Variants in GRXCR2 observed in about 807,000 individuals in gnomAD.
The protein encoded by GRXCR2 is glutaredoxin and cysteine rich domain containing 2, also known as glutaredoxin domain-containing cysteine-rich protein 2.
Under a neutral mutation model 24.8 loss-of-function variants are expected in GRXCR2, and 23 were observed. The ratio of observed to expected loss-of-function variants is 0.93; its 90% confidence interval spans 0.67 to 1.32. The LOEUF (loss-of-function observed/expected upper bound fraction) is 1.32. Among genes scored for constraint, GRXCR2 ranks in the 40% most tolerant of loss-of-function variants. The probability of loss-of-function intolerance (pLI) is 0.00; values close to 1 mark genes in which losing one functional copy is unlikely to be tolerated. For missense variants in GRXCR2, 315 were observed against 303.4 expected, an observed-to-expected ratio of 1.04 and a Z score of -0.28; for synonymous variants, 130 against 116.1, an observed-to-expected ratio of 1.12 and a Z score of -0.77.
intron 2 of GRXCR2, among the ~76,000 whole-genome samples, chr5:145,919,749 CAG>C (rs1491403698): frequency 6.6e-6 from 1 of 152,078 alleles, no homozygotes; most frequent in Non-Finnish European, 1.5e-5. Flanking sequence ...GTGATTTCCT[CAG>C]GGGGAAGATC....
intron 2 of GRXCR2, among the ~76,000 whole-genome samples, chr5:145,878,412 A>G (rs551179320): frequency 2.6e-5 from 4 of 152,354 alleles, no homozygotes; most frequent in African/African-American, 4.8e-5. Flanking sequence ...ACAAGCTTCA[A>G]TACTTGATTC....
chr5:145,905,736 C>T (rs566722772), intron 2 of GRXCR2, among the ~76,000 whole-genome samples: 2 of 152,126 alleles, frequency 1.3e-5, no homozygotes, highest in East Asian at 3.9e-4. Flanking sequence ...AGTGTGTTGG[C>T]TTTTATATGC....
intron 2 of GRXCR2, among the ~76,000 whole-genome samples, chr5:145,888,652 AAAG>A (rs1351917013): frequency 7.2e-5 from 11 of 152,258 alleles, no homozygotes; most frequent in African/African-American, 2.7e-4. Context: ...AGATGCAGGT[AAAG>A]AACAAAAAAG....
intron 2 of GRXCR2, among the ~76,000 whole-genome samples, chr5:145,919,759 A>T (rs919354678): frequency 3.9e-5 from 6 of 152,012 alleles, no homozygotes; most frequent in African/African-American, 1.5e-4. Context: ...CAGGGGGAAG[A>T]TCCATCCTTT....
chr5:145,892,948 A>G (rs976580516), intron 2 of GRXCR2, among the ~76,000 whole-genome samples: 4 of 152,350 alleles, frequency 2.6e-5, no homozygotes, highest in Admixed American at 6.5e-5. Context: ...CAGAAACTCT[A>G]CAAGCCAGAA....
chr5:145,863,697 T>C (rs957491902), intron 2 of GRXCR2, among the ~76,000 whole-genome samples: 1 of 152,186 alleles, frequency 6.6e-6, no homozygotes, highest in African/African-American at 2.4e-5. Context: ...CAGGTCTCAT[T>C]ATGTTGCCCA....
chr5:145,913,744 A>T (rs1757197075), intron 2 of GRXCR2, among the ~76,000 whole-genome samples: 1 of 152,122 alleles, frequency 6.6e-6, no homozygotes, highest in Non-Finnish European at 1.5e-5. Flanking sequence ...GCTGGTTTGG[A>T]ACTCCTGGGC....
chr5:145,888,923 C>T lies in GRXCR2; in HGVS notation c.-69-22195G>A, dbSNP rs375934887. 5.7e-4 allele frequency among the ~76,000 whole-genome samples: 87 copies of T among 152,132 alleles called. 3 individuals are homozygous for T. The South Asian group carries it at 0.017, about 29-fold the overall frequency. ...GTGCAGTGGCTCACGCCTGTAATCC[C>T]AGCACTTTGGGAGGCCGAGGTGGGC... On this transcript the variant is annotated intron_variant, in intron 2 of 3. Transcript: ENST00000639411.
At chr5:145,891,256 C>T (rs1375399267) in intron 2 of GRXCR2, among the ~76,000 whole-genome samples, 1 of 152,102 alleles carries the variant, frequency 6.6e-6, no homozygotes, top group Non-Finnish European at 1.5e-5. Flanking sequence ...GTACCAGGTT[C>T]AACTCACTGG....
upstream of GRXCR2, among the ~76,000 whole-genome samples, chr5:145,874,419 G>T (rs1029273873): frequency 1.3e-5 from 2 of 151,882 alleles, no homozygotes; most frequent in Non-Finnish European, 2.9e-5. Flanking sequence ...GGCCAGGATG[G>T]TCTCAATCTC....
rs79744166 is a variant in GRXCR2 at position 145,912,738 on chromosome 5, C to T, written c.-70+22963G>A. Among the ~76,000 whole-genome samples, 404 of 152,124 alleles carry T rather than the reference C, an allele frequency of 2.7e-3. 1 individual carries two copies. Among genetic ancestry groups the T allele is most frequent in the African/African-American group, 9.1e-3 (377 of 41,520 alleles). On this transcript the variant is annotated intron_variant, in intron 2 of 3. Coordinates refer to the GRXCR2 transcript ENST00000639411. ...ATGAGGCGGAGTCCTGTGGAAAGGC[C>T]TAAGGTGGCACCAGCCTGGCCTTGT...
intron 2 of GRXCR2, among the ~76,000 whole-genome samples, chr5:145,925,307 G>C (rs1007381443): frequency 1.1e-4 from 16 of 152,158 alleles, no homozygotes; most frequent in Non-Finnish European, 2.1e-4. Context: ...AAAGAATTCA[G>C]ATATTGTCAA....
At chr5:145,917,120 A>G (rs1330316077) in intron 2 of GRXCR2, among the ~76,000 whole-genome samples, 2 of 144,404 alleles carry the variant, frequency 1.4e-5, no homozygotes, top group Non-Finnish European at 3.0e-5. Flanking sequence ...CAGAATCCAC[A>G]TCTCCTTTTA....
upstream of GRXCR2, among the ~76,000 whole-genome samples, chr5:145,875,841 A>G (rs1417991902): frequency 2.0e-5 from 3 of 152,128 alleles, no homozygotes; most frequent in African/African-American, 7.2e-5. Context: ...CCAGGACTAC[A>G]TTAGCCTTAT....
chr5:145,916,101 C>T (rs965437704), intron 2 of GRXCR2, among the ~76,000 whole-genome samples: 2 of 151,942 alleles, frequency 1.3e-5, no homozygotes, highest in Admixed American at 6.6e-5. Flanking sequence ...GTGTGGGAGG[C>T]GAGGAGGTGG....
At chr5:145,910,312 A>C (rs916624361) in intron 2 of GRXCR2, among the ~76,000 whole-genome samples, 5 of 152,156 alleles carry the variant, frequency 3.3e-5, no homozygotes, top group Non-Finnish European at 5.9e-5. Flanking sequence ...GGAAGCTAAG[A>C]GTCTCTTGGC....
intron 2 of GRXCR2, among the ~76,000 whole-genome samples, chr5:145,899,529 C>G (rs995990495): frequency 2.0e-5 from 3 of 152,048 alleles, no homozygotes; most frequent in Non-Finnish European, 4.4e-5. Flanking sequence ...CTGCAGTAAC[C>G]AAAACAGTAT....
chr5:145,867,710 T>C (rs562096674), intron 1 of GRXCR2, among the ~76,000 whole-genome samples: 4 of 152,346 alleles, frequency 2.6e-5, no homozygotes, highest in Non-Finnish European at 4.4e-5. Context: ...GAGTATTTCA[T>C]GCTGAGATAT....
At chr5:145,868,759 C>A (rs1295241160) in intron 1 of GRXCR2, among the ~76,000 whole-genome samples, 1 of 152,150 alleles carries the variant, frequency 6.6e-6, no homozygotes, top group Admixed American at 6.5e-5. Flanking sequence ...GTCTGAGACA[C>A]CCAAGATAGC....
Sources: allele counts gnomAD v4.1 joint callset (sites outside exome capture counted in the v4.1 genomes callset), GRCh38; gene constraint gnomAD v4.1.1; transcripts MANE v1.5; gene names NCBI Gene and HGNC (gene_info 2026-07-23, HGNC 2026-07-21).